Variants in COL5A3 observed in about 807,000 individuals in gnomAD.
COL5A3 encodes collagen type V alpha 3 chain.
In COL5A3, 172 loss-of-function variants were observed where a neutral mutation model predicts 250.0. The observed-to-expected ratio is 0.69, with a 90% CI of 0.61 to 0.78. COL5A3 has a LOEUF of 0.78. Ranked by LOEUF, COL5A3 falls within the 30% of genes least tolerant of loss-of-function variation. COL5A3 has a pLI of 0.00. For missense variants in COL5A3, 2,340 were observed against 2,334.4 expected (o/e 1.00, Z -0.05); for synonymous variants, 937 against 900.4 (o/e 1.04, Z -0.73).
At position 9,966,746 on chromosome 19, in the gene COL5A3, C is replaced by G. The variant is rs2086754035; in HGVS notation, c.4459G>C (p.Gly1487Arg). The change falls in exon 63 of 67, where the codon GGT (glycine) becomes CGT (arginine). Residue 1487 changes from glycine (G) to arginine (R), a missense_variant and splice_region_variant. By Grantham distance (125) the Gly-to-Arg change is moderately radical. Transcript: ENST00000264828. ...AGCCCATGCAGCTCGGCAGGGGCAC[C>G]CTGGGCGTAGGGGATGGGGACGGAG... The part of the protein sequence containing the change: ...TGPAGPPGPP[G>R]APAELHGLRR... 2.6e-6 allele frequency: 4 copies of G among 1,532,820 alleles called. No homozygotes were observed. Among genetic ancestry groups the G allele is most frequent in the Non-Finnish European group, 1.7e-6 (2 of 1,144,890 alleles). 95.0% of individuals were successfully genotyped at this position (1,532,820 alleles called of 1,614,324 possible). A position where few individuals can be genotyped will look rare whatever the true frequency, so the allele number is the denominator to read the frequency against.
intron 61 of COL5A3, 143 bp from the exon 62 acceptor site, chr19:9,967,543 T>TCA (rs901806977): frequency 1.2e-4 from 77 of 628,948 alleles, no homozygotes; most frequent in South Asian, 2.0e-4. Context: ...ACTCACACAC[T>TCA]CACACACACA....
chr19:10,002,550 C>A (rs1290980799), intron 6 of COL5A3, among the ~76,000 whole-genome samples: 1 of 151,708 alleles, frequency 6.6e-6, no homozygotes, highest in Non-Finnish European at 1.5e-5. Context: ...CAACCCCTCC[C>A]ACTCCCATCA....
Position 10,010,409 on chromosome 19 carries a change from C to A in COL5A3, c.-24G>T. On this transcript the variant is annotated 5_prime_UTR_variant, in exon 1 of 67. Coordinates refer to ENST00000264828, the MANE Select transcript of COL5A3 (RefSeq NM_015719.4). ...ATCCCGGCGGGGCCCACGGGCAAGG[C>A]GGGGAACCAGTCGGGGCGGCTGCGG... is the stretch of plus-strand genomic sequence containing the variant. 2 of 1,376,438 alleles carry A rather than the reference C, an allele frequency of 1.5e-6. No individual in the cohort carries two copies. Among genetic ancestry groups the A allele is most frequent in the Admixed American group, 3.4e-5 (1 of 29,000 alleles). The allele number at this position is 1,376,438 out of a possible 1,614,324, so 85.3% of individuals were successfully genotyped here.
rs1231008503 is a variant in COL5A3, at chr19:10,010,284, C to T, written c.88+14G>A. On this transcript the variant is annotated intron_variant, in intron 1 of 66. Coordinates refer to ENST00000264828, the MANE Select transcript of COL5A3 (RefSeq NM_015719.4). ...TCGTGGACCCTGGGTCCCATCTCTTCCCTCCCGGCTCACCGGCCTGCGTCC... is the reference window on the plus strand; with the variant it reads ...TCGTGGACCCTGGGTCCCATCTCTTTCCTCCCGGCTCACCGGCCTGCGTCC... The T allele has an allele frequency of 7.0e-7, 1 of 1,425,334 alleles. No homozygotes were observed. Among genetic ancestry groups the T allele is most frequent in the Non-Finnish European group, 9.2e-7 (1 of 1,084,016 alleles). 88.3% of individuals were successfully genotyped at this position (1,425,334 alleles called of 1,614,324 possible). A position where few individuals can be genotyped will look rare whatever the true frequency, so the allele number is the denominator to read the frequency against.
chr19:9,970,524 T>TTCTGTGGGTGAGTGGGGG (rs2086829503), intron 54 of COL5A3, 98 bp downstream of exon 54: 1 of 499,972 alleles, frequency 2.0e-6, no homozygotes, highest in African/African-American at 3.8e-5. Flanking sequence ...GTGTGTGGGG[T>TTCTGTGGGTGAGTGGGGG]CTGTGGGGTG....
chr19:9,989,824 G>A (rs112659034), intron 24 of COL5A3, among the ~76,000 whole-genome samples: 4,176 of 152,230 alleles, frequency 0.027, 192 homozygotes, highest in African/African-American at 0.096. Context: ...TTGGAGTGCA[G>A]TAGCATGATC....
At chr19:9,976,533 G>A (rs755766676) in intron 45 of COL5A3, 25 bp downstream of exon 45, 134 of 1,548,514 alleles carry the variant, frequency 8.7e-5, no homozygotes, top group Non-Finnish European at 1.1e-4. Context: ...ACCCAGAGAA[G>A]GACTGAAAAG....
chr19:9,990,995 C>A (rs898287137), intron 24 of COL5A3, among the ~76,000 whole-genome samples: 4 of 152,182 alleles, frequency 2.6e-5, no homozygotes, highest in Non-Finnish European at 5.9e-5. Flanking sequence ...GGGGCCAAGG[C>A]AGATGAACTG....
chr19:9,979,317 C>G, intron 38 of COL5A3, 47 bp downstream of exon 38: 2 of 1,610,160 alleles, frequency 1.2e-6, no homozygotes, highest in Non-Finnish European at 1.7e-6. Context: ...CCCTAAATAT[C>G]CCCCAACTGG....
In COL5A3 at chr19:9,980,796, C is replaced by T. The variant is rs1458868263; in HGVS notation, c.2559+10G>A. 6.2e-7 allele frequency: 1 copy of T among 1,613,148 alleles called. No homozygotes were observed. The highest frequency in any genetic ancestry group is 1.3e-5 in the African/African-American group (1 of 74,976). On this transcript the variant is annotated intron_variant, in intron 34 of 66. Transcript: ENST00000264828. The stretch of plus-strand genomic sequence containing the variant: ...GCATGGGGGGCCTTGATTGCCCACC[C>T]ATCCCATACCTTGGGGCCTGGTTGC...
Position 10,009,301 on chromosome 19 carries a change from T to C in COL5A3, c.88+997A>G, listed in dbSNP as rs2087490173. Among the ~76,000 whole-genome samples, 1 of 151,850 alleles carries C rather than the reference T, an allele frequency of 6.6e-6. No homozygotes were observed. The highest frequency in any genetic ancestry group is 2.4e-5 in the African/African-American group (1 of 41,330). ...GCCCCATCTCCAACACTTGAGAAGC[T>C]ACGCCATCCCCTGACTCCCGAAGCG... On this transcript the variant is annotated intron_variant, in intron 1 of 66. Coordinates refer to ENST00000264828, the MANE Select transcript of COL5A3 (RefSeq NM_015719.4). This position sits in a 1 kb window ranked among gnomAD's most constrained non-coding sequence, Gnocchi z 4.4.
rs1312999771 is a variant in COL5A3 at position 9,969,613 on chromosome 19, C to G, written c.4060G>C (p.Val1354Leu). The change falls in exon 56 of 67, where the codon GTG becomes CTG. Residue 1354 changes from valine (V) to leucine (L), a missense_variant. Transcript: ENST00000264828. ...ATCCCTCGAAGACCCTCAGGCCCCA[C>G]ACGTCCAGGGGGCCCTCTAGCCCCC... The part of the protein sequence containing the change: ...PMGARGPPGR[V>L]GPEGLRGIPG... The G allele has an allele frequency of 6.2e-7, 1 of 1,605,248 alleles. No homozygotes were observed. The highest frequency in any genetic ancestry group is 1.3e-5 in the African/African-American group (1 of 74,306).
Position 9,973,403 on chromosome 19 carries a change from C to T in COL5A3, c.3666+167G>A, listed in dbSNP as rs117557543. On this transcript the variant is annotated intron_variant, in intron 50 of 66. Transcript: ENST00000264828. ...AACCTGCAGAACTGTACATAGCAGC[C>T]CTATCTGAGAACTTCCAGGTGTCCT... 5.2e-3 allele frequency among the ~76,000 whole-genome samples: 796 copies of T among 152,220 alleles called. 20 individuals carry two copies. The East Asian group carries it at 0.076, about 14-fold the overall frequency.
intron 51 of COL5A3, among the ~76,000 whole-genome samples, chr19:9,972,139 GCATCCATTAATTTACTTATT>G (rs2086856823): frequency 1.3e-5 from 2 of 152,094 alleles, no homozygotes; most frequent in African/African-American, 2.4e-5. Context: ...TCATATTCAT[GCATCCATTAATTTACTTATT>G]CATCCATTAA....
chr19:9,964,124 G>A (rs1404667592), intron 64 of COL5A3, among the ~76,000 whole-genome samples: 1 of 152,128 alleles, frequency 6.6e-6, no homozygotes, highest in Non-Finnish European at 1.5e-5. Flanking sequence ...AGTGAACCAA[G>A]ATCACGCCAC....
At chr19:9,972,769 G>A in intron 51 of COL5A3, 150 bp downstream of exon 51, 1 of 510,098 alleles carries the variant, frequency 2.0e-6, no homozygotes, top group Non-Finnish European at 3.4e-6. Context: ...CCGGAAGACG[G>A]AGGTTGCAGT....
chr19:9,979,740 T>A (rs1403431635), intron 37 of COL5A3, 99 bp downstream of exon 37: 1 of 1,138,160 alleles, frequency 8.8e-7, no homozygotes, highest in African/African-American at 1.6e-5. Flanking sequence ...GAGCCGAGAT[T>A]GCCCCACTGC....
chr19:9,988,744 T>A (rs1272226935), intron 27 of COL5A3, among the ~76,000 whole-genome samples: 1 of 146,254 alleles, frequency 6.8e-6, no homozygotes, highest in Admixed American at 7.1e-5. Context: ...GGCAGTAGAA[T>A]CGCTTGAATC....
rs778842330 is a variant in COL5A3, at chr19:9,973,928, A to G, written c.3549T>C (p.Thr1183=). 1 of 1,564,980 alleles carries G rather than the reference A, an allele frequency of 6.4e-7. No homozygotes were observed. Among genetic ancestry groups the G allele is most frequent in the African/African-American group, 1.4e-5 (1 of 73,358 alleles). ...APGPRGPQGP[T]GSEGTPGLPG... The stretch of plus-strand genomic sequence containing the variant: ...CCCCAAGAGTTCTCACCTCTGATCC[A>G]GTGGGGCCTTGGGGACCCCGAGGAC... The change falls in exon 48 of 67, where the codon ACT becomes ACC. Residue 1183 remains threonine (T), a synonymous_variant. Coordinates refer to ENST00000264828, the MANE Select transcript of COL5A3 (RefSeq NM_015719.4).
Sources: gnomAD v4.1 joint callset for allele counts (sites outside exome capture counted in the v4.1 genomes callset) on GRCh38, gnomAD v4.1.1 for gene constraint, Gnocchi (gnomAD v3.1) non-coding constraint, MANE v1.5 for transcripts, NCBI Gene and HGNC (gene_info 2026-07-23, HGNC 2026-07-21) for gene names.